ESRRG: variants seen among roughly 807,000 people sequenced by gnomAD.
ESRRG encodes the protein estrogen related receptor gamma.
ESRRG carries 13 observed loss-of-function variants against 44.0 expected under a neutral mutation model. That is an observed-to-expected ratio of 0.30 (90% CI 0.19 to 0.47). The LOEUF (loss-of-function observed/expected upper bound fraction) is 0.47, where lower values mean the gene tolerates loss of function less well. Among genes scored for constraint, ESRRG ranks in the 20% least tolerant of loss-of-function variants. The pLI, the probability that ESRRG is intolerant of heterozygous loss-of-function variation, is 1.00. For synonymous variants in ESRRG, 215 were observed against 214.6 expected (o/e 1.00, Z -0.02); for missense variants, 395 against 580.6 (o/e 0.68, Z 3.29).
intron 1 of ESRRG, among the ~76,000 whole-genome samples, chr1:217,132,461 T>C (rs1404944418): frequency 2.0e-5 from 3 of 152,180 alleles, no homozygotes; most frequent in Non-Finnish European, 2.9e-5. Flanking sequence ...GTGGGGAATT[T>C]CAAGGCTCAT....
intron 1 of ESRRG, among the ~76,000 whole-genome samples, chr1:216,692,960 A>G (rs975589578): frequency 7.2e-5 from 11 of 152,210 alleles, no homozygotes; most frequent in Non-Finnish European, 1.2e-4. Context: ...CTGCCTAACA[A>G]GAAATTTCCC....
intron 4 of ESRRG, 169 bp from the exon 5 acceptor site, chr1:216,564,549 A>G (rs1001765918): frequency 4.5e-6 from 2 of 441,508 alleles, no homozygotes; most frequent in Non-Finnish European, 3.9e-6. Flanking sequence ...AGGAAAACTC[A>G]TAGCAAGACA....
chr1:216,542,227 T>C (rs887378977), intron 5 of ESRRG, among the ~76,000 whole-genome samples: 19 of 152,050 alleles, frequency 1.2e-4, no homozygotes, highest in African/African-American at 2.2e-4. Context: ...CATTTTTTTT[T>C]CCTCTTTTTT....
chr1:216,829,822 G>A (rs1189008004), intron 2 of ESRRG, among the ~76,000 whole-genome samples: 1 of 152,070 alleles, frequency 6.6e-6, no homozygotes, highest in African/African-American at 2.4e-5. Context: ...CCAAAGTGCT[G>A]GGATTACAGG....
intron 2 of ESRRG, among the ~76,000 whole-genome samples, chr1:216,667,617 C>A (rs1371088634): frequency 7.7e-6 from 1 of 129,332 alleles, no homozygotes; most frequent in Non-Finnish European, 1.5e-5. Context: ...ATCCGGGAGG[C>A]GGAGTTTGCA....
chr1:217,041,771 C>T (rs2083904685), intron 1 of ESRRG, among the ~76,000 whole-genome samples: 1 of 152,224 alleles, frequency 6.6e-6, no homozygotes, highest in Non-Finnish European at 1.5e-5. Flanking sequence ...TAGTTTCCTA[C>T]AGAATCATCA....
At chr1:216,820,431 A>G (rs1438729612) in intron 2 of ESRRG, among the ~76,000 whole-genome samples, 1 of 152,238 alleles carries the variant, frequency 6.6e-6, no homozygotes, top group Non-Finnish European at 1.5e-5. Context: ...AATGTCTTTG[A>G]CATTCCCTCT....
chr1:216,528,460 ACT>A (rs2149072695), intron 5 of ESRRG, among the ~76,000 whole-genome samples: 1 of 152,302 alleles, frequency 6.6e-6, no homozygotes, highest in Non-Finnish European at 1.5e-5. Flanking sequence ...ATTTATAAGT[ACT>A]GTCATTAATT....
intron 1 of ESRRG, among the ~76,000 whole-genome samples, chr1:217,083,072 C>A (rs754923582): frequency 1.7e-4 from 26 of 152,194 alleles, no homozygotes; most frequent in Non-Finnish European, 2.9e-4. Context: ...ATGCTTATCA[C>A]TTGTATCATA....
chr1:216,702,589 C>T (rs1321699711), intron 1 of ESRRG, among the ~76,000 whole-genome samples: 14 of 137,944 alleles, frequency 1.0e-4, no homozygotes, highest in African/African-American at 3.8e-4. Context: ...ATGGCAAAAC[C>T]CCATCTTTAC....
At chr1:217,092,047 T>C (rs2789579), upstream of ESRRG, among the ~76,000 whole-genome samples, 65,573 of 152,000 alleles carry the variant, frequency 0.43, 15,597 homozygotes, top group East Asian at 0.57. Context: ...AGTGGTTTCT[T>C]ACCCCAGGAG....
intron 1 of ESRRG, among the ~76,000 whole-genome samples, chr1:217,048,355 T>A (rs2085277448): frequency 6.6e-6 from 1 of 152,078 alleles, no homozygotes; most frequent in Non-Finnish European, 1.5e-5. Context: ...GATGCAATAG[T>A]GTCAGAGAGA....
rs144161737 is a variant in ESRRG at position 217,043,755 on chromosome 1, C to T, written c.-106+45752G>A. Among the ~76,000 whole-genome samples the T allele has an allele frequency of 3.8e-3, 579 of 152,012 alleles. 3 individuals carry two copies. The highest frequency in any genetic ancestry group is 0.013 in the African/African-American group (552 of 41,452). On this transcript the variant is annotated intron_variant, in intron 1 of 7. Transcript: ENST00000359162. ...GTTAATGTTCTTTATATAGATTGTG[C>T]CCATACAGGAACAAGTCAAAAACTA...
At chr1:217,124,509 T>G (rs1258827044) in intron 1 of ESRRG, among the ~76,000 whole-genome samples, 1 of 152,218 alleles carries the variant, frequency 6.6e-6, no homozygotes, top group Admixed American at 6.5e-5. Context: ...AGAGGCTTCC[T>G]TAAGAACTCT....
intron 1 of ESRRG, among the ~76,000 whole-genome samples, chr1:216,954,531 G>T (rs73099406): frequency 6.6e-6 from 1 of 152,016 alleles, no homozygotes; most frequent in Non-Finnish European, 1.5e-5. Flanking sequence ...TCAATATAAC[G>T]CACTAAAGGC....
Position 216,812,173 on chromosome 1 carries a change from C to T in ESRRG, c.-14+127409G>A, listed in dbSNP as rs11572590. Among the ~76,000 whole-genome samples the T allele has an allele frequency of 6.0e-3, 918 of 152,220 alleles. 7 individuals are homozygous for T. The highest frequency in any genetic ancestry group is 0.021 in the African/African-American group (891 of 41,554). ...GAGAAGATACCAAAAGAAACAATTA[C>T]GTTAAAGAGTCAAACATATGCTTAA... On this transcript the variant is annotated intron_variant, in intron 2 of 7. Transcript: ENST00000359162.
intron 3 of ESRRG, among the ~76,000 whole-genome samples, chr1:216,632,635 A>C (rs1341797207): frequency 6.6e-6 from 1 of 152,142 alleles, no homozygotes; most frequent in African/African-American, 2.4e-5. Flanking sequence ...TTAAAACACA[A>C]AATAGAGATT....
intron 2 of ESRRG, among the ~76,000 whole-genome samples, chr1:216,885,651 T>C (rs947145300): frequency 6.6e-6 from 1 of 152,174 alleles, no homozygotes; most frequent in Non-Finnish European, 1.5e-5. Flanking sequence ...TCAATTTTAA[T>C]TTCATCTTGC....
chr1:216,917,559 C>A (rs2061349253), intron 2 of ESRRG, among the ~76,000 whole-genome samples: 1 of 152,196 alleles, frequency 6.6e-6, no homozygotes, highest in Non-Finnish European at 1.5e-5. Flanking sequence ...TGGTCTCTTT[C>A]ATATATCCCA....
Sources: gnomAD v4.1 joint callset for allele counts (sites outside exome capture counted in the v4.1 genomes callset) on GRCh38, gnomAD v4.1.1 for gene constraint, MANE v1.5 for transcripts, NCBI Gene and HGNC (gene_info 2026-07-23, HGNC 2026-07-21) for gene names.